The following BUB3 variants were observed in gnomAD, a reference collection of about 807,000 sequenced individuals.
BUB3 encodes BUB3 mitotic checkpoint protein.
Under a neutral mutation model 39.9 loss-of-function variants are expected in BUB3, and 22 were observed. The observed-to-expected ratio is 0.55, with a 90% CI of 0.39 to 0.79. The LOEUF is 0.79. Ranked by LOEUF, BUB3 falls within the 30% of genes least tolerant of loss-of-function variation. The probability of loss-of-function intolerance (pLI) is 0.00; values close to 1 mark genes in which losing one functional copy is unlikely to be tolerated. For missense variants in BUB3, 303 were observed against 415.4 expected, an observed-to-expected ratio of 0.73 and a Z score of 2.35; for synonymous variants, 168 against 155.1, an observed-to-expected ratio of 1.08 and a Z score of -0.62.
chr10:123,157,408 C>A (rs1355936721), intron 3 of BUB3, among the ~76,000 whole-genome samples: 2 of 152,192 alleles, frequency 1.3e-5, no homozygotes, highest in African/African-American at 4.8e-5. Flanking sequence ...AAACGCAGTT[C>A]CTGATAGGAA....
rs1844477050 is a variant in BUB3, at chr10:123,165,365, A to G, written c.*1530A>G. The G allele has an allele frequency of 7.3e-6, 2 of 273,918 alleles. No individual in the cohort carries two copies. The highest frequency in any genetic ancestry group is 1.6e-4 in the South Asian group (1 of 6,428). The allele number at this position is 273,918 out of a possible 1,614,324, so 17.0% of individuals were successfully genotyped here. A position where few individuals can be genotyped will look rare whatever the true frequency, so the allele number is the denominator to read the frequency against. ...AATAAACGAGATGCAGAACCCTTGA[A>G]TGTTGGATGTTTTTGAATGTTGGTA... On this transcript the variant is annotated 3_prime_UTR_variant, in exon 8 of 8. Transcript: ENST00000368865.
chr10:123,160,795 G>A (rs998390611), intron 5 of BUB3, among the ~76,000 whole-genome samples: 1 of 152,052 alleles, frequency 6.6e-6, no homozygotes, highest in African/African-American at 2.4e-5. Context: ...CAAGTAATCT[G>A]CTCAGGAAGT....
chr10:123,164,498 A>G lies in BUB3; in HGVS notation c.*663A>G, dbSNP rs112003546. On this transcript the variant is annotated 3_prime_UTR_variant, in exon 8 of 8. Transcript: ENST00000368865. ...GTAAACAATTATTTATTAGCAAACA[A>G]TTGATCCCAGAAGGGCAAATTGTTT... 9.5e-3 allele frequency: 9,317 copies of G among 985,734 alleles called. 44 individuals are homozygous for G. Among genetic ancestry groups the G allele is most frequent in the Non-Finnish European group, 0.011 (8,732 of 830,168 alleles). The allele number at this position is 985,734 out of a possible 1,614,324, so 61.1% of individuals were successfully genotyped here.
rs966259847 is a variant in BUB3, at chr10:123,166,142, C to T, written c.*2307C>T. ...TTTATGGTTATAGCTACCTTTTCCC[C>T]AAGTTACCCAGGTGTAGTTACCTTG... On this transcript the variant is annotated 3_prime_UTR_variant, in exon 8 of 8. Coordinates refer to ENST00000368865, the MANE Select transcript of BUB3 (RefSeq NM_004725.4). 2.0e-5 allele frequency: 3 copies of T among 152,118 alleles called. No individual in the cohort carries two copies. The highest frequency in any genetic ancestry group is 7.2e-5 in the African/African-American group (3 of 41,406). 9.4% of individuals were successfully genotyped at this position (152,118 alleles called of 1,614,324 possible). A position where few individuals can be genotyped will look rare whatever the true frequency, so the allele number is the denominator to read the frequency against.
In BUB3 at chr10:123,166,948, T is replaced by C. The variant is rs1844500090; in HGVS notation, c.*3113T>C. 6.6e-6 allele frequency: 1 copy of C among 152,254 alleles called. No homozygotes were observed. The allele number at this position is 152,254 out of a possible 1,614,324, so 9.4% of individuals were successfully genotyped here. ...ACCCTTCATTGTTTTTCCTCCATTA[T>C]CTGTTAAACTCCTGCTTTGCCAAAG... On this transcript the variant is annotated 3_prime_UTR_variant, in exon 8 of 8. Transcript: ENST00000368865.
intron 4 of BUB3, 52 bp from the exon 5 acceptor site, chr10:123,160,355 C>A: frequency 7.0e-7 from 1 of 1,433,128 alleles, no homozygotes. Flanking sequence ...GGGCAAAATG[C>A]CATTTTCAGG....
At chr10:123,163,192 C>A in intron 7 of BUB3, 1 of 214,870 alleles carries the variant, frequency 4.7e-6, no homozygotes, top group Non-Finnish European at 9.1e-6. Flanking sequence ...ATTTGAACTG[C>A]CAAAAATCTT....
At chr10:123,159,731 ATC>A (rs1279341852) in intron 4 of BUB3, among the ~76,000 whole-genome samples, 1 of 152,354 alleles carries the variant, frequency 6.6e-6, no homozygotes, top group African/African-American at 2.4e-5. Context: ...TTGAACTTCT[ATC>A]TTGAATGCAT....
At chr10:123,159,544 G>T (rs12254300) in intron 4 of BUB3, among the ~76,000 whole-genome samples, 3,748 of 152,244 alleles carry the variant, frequency 0.025, 102 homozygotes, top group East Asian at 0.11. Flanking sequence ...TAATGAGTTG[G>T]CTACCTCTGT....
intron 1 of BUB3, 99 bp downstream of exon 1, chr10:123,154,584 G>A (rs1265152398): frequency 4.5e-6 from 1 of 223,764 alleles, no homozygotes; most frequent in African/African-American, 2.3e-5. Flanking sequence ...ATCCCGTTTC[G>A]TTTCTGTTGT....
At chr10:123,159,646 A>G (rs1397926174) in intron 4 of BUB3, among the ~76,000 whole-genome samples, 1 of 152,208 alleles carries the variant, frequency 6.6e-6, no homozygotes, top group Non-Finnish European at 1.5e-5. Flanking sequence ...ATTTTTGTGG[A>G]AAGTTTAATA....
Position 123,166,556 on chromosome 10 carries a change from T to G in BUB3, c.*2721T>G, listed in dbSNP as rs1844494818. The G allele has an allele frequency of 6.6e-6, 1 of 152,182 alleles. No individual in the cohort carries two copies. Among genetic ancestry groups the G allele is most frequent in the Non-Finnish European group, 1.5e-5 (1 of 68,032 alleles). The allele number at this position is 152,182 out of a possible 1,614,324, so 9.4% of individuals were successfully genotyped here. A position where few individuals can be genotyped will look rare whatever the true frequency, so the allele number is the denominator to read the frequency against. On this transcript the variant is annotated 3_prime_UTR_variant, in exon 8 of 8. Transcript: ENST00000368865. Reference sequence around the variant, plus strand: ...CCTGTAATTTGCAAAAACTGCTTGATCAGATTCTAAAAAATTTCTAAAAGA... The same window carrying G: ...CCTGTAATTTGCAAAAACTGCTTGAGCAGATTCTAAAAAATTTCTAAAAGA...
intron 4 of BUB3, among the ~76,000 whole-genome samples, chr10:123,159,508 A>G (rs1844392383): frequency 6.6e-6 from 1 of 152,234 alleles, no homozygotes; most frequent in Non-Finnish European, 1.5e-5. Context: ...GAACATGATC[A>G]GGAGAATATT....
chr10:123,159,934 A>G (rs575942790), intron 4 of BUB3, among the ~76,000 whole-genome samples: 5 of 152,242 alleles, frequency 3.3e-5, no homozygotes, highest in Admixed American at 2.0e-4. Flanking sequence ...TAGAGTTGCA[A>G]AATGAAATAT....
chr10:123,160,101 G>T (rs546425068), intron 4 of BUB3, among the ~76,000 whole-genome samples: 2 of 152,020 alleles, frequency 1.3e-5, no homozygotes, highest in Admixed American at 1.3e-4. Flanking sequence ...AAACATGAAG[G>T]CTAGGAAAAA....
chr10:123,164,832 AATAGT>A lies in BUB3; in HGVS notation c.*1000_*1004del. The A allele has an allele frequency of 7.4e-7, 1 of 1,355,148 alleles. No homozygotes were observed. Among genetic ancestry groups the A allele is most frequent in the Non-Finnish European group, 9.5e-7 (1 of 1,056,200 alleles). 83.9% of individuals were successfully genotyped at this position (1,355,148 alleles called of 1,614,324 possible). ...GCTTGGCCTATTCTAGGTAGTTCCAAATAGTATTTTTGTTGTCAAACTTTAAAATT... is the reference window on the plus strand; with the variant it reads ...GCTTGGCCTATTCTAGGTAGTTCCAAATTTTTGTTGTCAAACTTTAAAATT... On this transcript the variant is annotated 3_prime_UTR_variant, in exon 8 of 8. Coordinates refer to ENST00000368865, the MANE Select transcript of BUB3 (RefSeq NM_004725.4).
At chr10:123,155,384 GT>G (rs1844336696) in intron 2 of BUB3, among the ~76,000 whole-genome samples, 1 of 152,172 alleles carries the variant, frequency 6.6e-6, no homozygotes, top group Non-Finnish European at 1.5e-5. Context: ...CAACAATACT[GT>G]TTTGGCTGCC....
In BUB3 at chr10:123,163,819, G is replaced by C; in HGVS notation, c.972-1G>C. On this transcript the variant is annotated splice_acceptor_variant, in intron 7 of 7. Coordinates refer to ENST00000368865, the MANE Select transcript of BUB3 (RefSeq NM_004725.4). LOFTEE classifies it high-confidence loss of function. ...GTTCTTTTTTTCTTTTGAACTTGTA[G>C]GTCACCATGTACTTGACAAGATTTC... 1 of 1,606,750 alleles carries C rather than the reference G, an allele frequency of 6.2e-7. No individual in the cohort carries two copies. Among genetic ancestry groups the C allele is most frequent in the Non-Finnish European group, 8.5e-7 (1 of 1,174,524 alleles).
In BUB3 at chr10:123,166,004, T is replaced by C. The variant is rs1844488038; in HGVS notation, c.*2169T>C. The C allele has an allele frequency of 6.6e-6, 1 of 152,216 alleles. No homozygotes were observed. Among genetic ancestry groups the C allele is most frequent in the African/African-American group, 2.4e-5 (1 of 41,456 alleles). 9.4% of individuals were successfully genotyped at this position (152,216 alleles called of 1,614,324 possible). A position where few individuals can be genotyped will look rare whatever the true frequency, so the allele number is the denominator to read the frequency against. ...TAATGTGGACTTGTTTTTGAGGTGG[T>C]GAGGGAGGGCTTATTTTGTGGTTCC... On this transcript the variant is annotated 3_prime_UTR_variant, in exon 8 of 8. Coordinates refer to ENST00000368865, the MANE Select transcript of BUB3 (RefSeq NM_004725.4).
Sources: gnomAD v4.1 joint callset for allele counts (sites outside exome capture counted in the v4.1 genomes callset) on GRCh38, gnomAD v4.1.1 for gene constraint, MANE v1.5 for transcripts, NCBI Gene and HGNC (gene_info 2026-07-23, HGNC 2026-07-21) for gene names.